The following IGSF9B variants were observed in gnomAD, a reference collection of about 807,000 sequenced individuals.
IGSF9B encodes the protein protein turtle homolog B.
IGSF9B carries 48 observed loss-of-function variants against 143.7 expected under a neutral mutation model. The observed-to-expected ratio is 0.33, with a 90% CI of 0.26 to 0.42. The LOEUF (loss-of-function observed/expected upper bound fraction) is 0.42. Ranked by LOEUF, IGSF9B falls within the 20% of genes least tolerant of loss-of-function variation. The pLI is 1.00. For missense variants in IGSF9B, 1,706 were observed against 1,980.0 expected (o/e 0.86, Z 2.63); for synonymous variants, 903 against 833.1 (o/e 1.08, Z -1.44).
rs377154332 is a variant in IGSF9B, at chr11:133,920,637, T to C, written c.3088A>G (p.Thr1030Ala). 6.2e-7 allele frequency: 1 copy of C among 1,613,470 alleles called. No homozygotes were observed. The highest frequency in any genetic ancestry group is 1.1e-5 in the South Asian group (1 of 91,080). The change falls in exon 18 of 20, where the codon ACA becomes GCA. Residue 1030 changes from threonine (T) to alanine (A), a missense_variant. By Grantham distance (58) the Thr-to-Ala change is moderately conservative. Around this residue, in one of 7 missense-constraint regions of IGSF9B, gnomAD observed 880 missense variants for 762.9 expected, o/e 1.15. Coordinates refer to ENST00000533871, the MANE Select transcript of IGSF9B (RefSeq NM_001277285.4). ...ASNSTLPLTQ[T>A]PTGGRSPEPW... ...TCAGGGGAGCGCCCTCCTGTAGGTGTCTGAGTCAAGGGCAGCGTGCTGTTG... is the reference window on the plus strand; with the variant it reads ...TCAGGGGAGCGCCCTCCTGTAGGTGCCTGAGTCAAGGGCAGCGTGCTGTTG...
chr11:133,942,186 T>G (rs1460359010), intron 3 of IGSF9B, among the ~76,000 whole-genome samples: 1 of 152,086 alleles, frequency 6.6e-6, no homozygotes, highest in East Asian at 1.9e-4. Context: ...GGCCAGCATC[T>G]CACACATAAT....
intron 7 of IGSF9B, among the ~76,000 whole-genome samples, chr11:133,934,610 GCGAGGTTAGGGGTC>G (rs1462396885): frequency 6.6e-6 from 1 of 152,202 alleles, no homozygotes; most frequent in East Asian, 1.9e-4. Flanking sequence ...GAGTGAGACT[GCGAGGTTAGGGGTC>G]CGATGGCGCT....
rs562728485 is a variant in IGSF9B, at chr11:133,907,877, G to A, written c.*1192C>T. On this transcript the variant is annotated 3_prime_UTR_variant, in exon 20 of 20. Transcript: ENST00000533871. ...AGGTCCACCGGAGGACGAAGGCCCC[G>A]GGGCAGAGAAGAGTCGGCAGGCAGC... 2.6e-5 allele frequency among the ~76,000 whole-genome samples: 4 copies of A among 152,332 alleles called. No homozygotes were observed. Among genetic ancestry groups the A allele is most frequent in the Admixed American group, 6.5e-5 (1 of 15,308 alleles).
chr11:133,938,348 C>T (rs549480603), intron 3 of IGSF9B, among the ~76,000 whole-genome samples: 18 of 152,276 alleles, frequency 1.2e-4, no homozygotes, highest in African/African-American at 3.6e-4. Flanking sequence ...CTCAGCCAGG[C>T]CCCCGCGTTT....
chr11:133,941,636 G>A (rs10894767), intron 3 of IGSF9B, among the ~76,000 whole-genome samples: 28,435 of 152,156 alleles, frequency 0.19, 3,388 homozygotes, highest in Non-Finnish European at 0.27. Context: ...CTGCCTGTGC[G>A]CAGGTAGGTG....
chr11:133,929,824 G>T (rs34490986), intron 11 of IGSF9B, 42 bp from the exon 12 acceptor site: 5 of 1,407,202 alleles, frequency 3.6e-6, no homozygotes, highest in African/African-American at 1.4e-5. Context: ...AAAGAACTCA[G>T]CCACGTGGCT....
chr11:133,944,183 A>G lies in IGSF9B; in HGVS notation c.409+37T>C, dbSNP rs1940001349. 1.9e-6 allele frequency: 3 copies of G among 1,562,226 alleles called. No individual in the cohort carries two copies. In the South Asian group the frequency reaches 3.7e-5, roughly 19 times the overall value. On this transcript the variant is annotated intron_variant, in intron 3 of 19. Transcript: ENST00000533871. ...CGGAAACAGCCCTCAGGCACCGTTGATGGTGAGGTGGACCCACCCTGGAAG... is the reference window on the plus strand; with the variant it reads ...CGGAAACAGCCCTCAGGCACCGTTGGTGGTGAGGTGGACCCACCCTGGAAG...
rs1176570560 is a variant in IGSF9B, at chr11:133,909,493, A to G, written c.4106-216T>C. On this transcript the variant is annotated intron_variant, in intron 19 of 19. Transcript: ENST00000533871. The surrounding 1 kb of genome is among the most constrained non-coding windows in gnomAD (Gnocchi z 4.2). Reference sequence around the variant, plus strand: ...ACCTGACCCTGCTCCTTTCACTTGAATAAGAGTTAAGAAAGTGGAATGGAG... The same window carrying G: ...ACCTGACCCTGCTCCTTTCACTTGAGTAAGAGTTAAGAAAGTGGAATGGAG... Among the ~76,000 whole-genome samples, 1 of 152,214 alleles carries G rather than the reference A, an allele frequency of 6.6e-6. No homozygotes were observed. The highest frequency in any genetic ancestry group is 1.5e-5 in the Non-Finnish European group (1 of 68,044).
In IGSF9B at chr11:133,927,865, C is replaced by CTCCCGGG. The variant is rs557354815; in HGVS notation, c.1632-781_1632-775dup. On this transcript the variant is annotated intron_variant, in intron 12 of 19. Coordinates refer to ENST00000533871, the MANE Select transcript of IGSF9B (RefSeq NM_001277285.4). ...CCTGGTGGGTGCCCTCCAGGATCCA[C>CTCCCGGG]TCCCGGGTCCCGGCTCACTACCGTG... Among the ~76,000 whole-genome samples, 785 of 152,280 alleles carry CTCCCGGG rather than the reference C, an allele frequency of 5.2e-3. 4 individuals carry two copies. The highest frequency in any genetic ancestry group is 7.4e-3 in the Non-Finnish European group (504 of 68,022).
intron 7 of IGSF9B, among the ~76,000 whole-genome samples, chr11:133,935,123 C>A (rs538416842): frequency 6.6e-6 from 1 of 152,136 alleles, no homozygotes; most frequent in African/African-American, 2.4e-5. Context: ...GGAGAGGCCG[C>A]GGACGCCAGA....
Position 133,897,611 on chromosome 11 carries a change from T to C in IGSF9B, c.*11458A>G, listed in dbSNP as rs1384132017. On this transcript the variant is annotated 3_prime_UTR_variant, in exon 20 of 20. Coordinates refer to ENST00000533871, the MANE Select transcript of IGSF9B (RefSeq NM_001277285.4). ...CAGGGAGCTCCTCACAGACAGGTTA[T>C]ACAGAGTGTAGAATATGTTCATATA... The C allele has an allele frequency of 6.6e-6, 1 of 152,210 alleles. No homozygotes were observed. The highest frequency in any genetic ancestry group is 1.9e-4 in the East Asian group (1 of 5,186). The allele number at this position is 152,210 out of a possible 1,614,324, so 9.4% of individuals were successfully genotyped here.
rs1210835628 is a variant in IGSF9B, at chr11:133,906,571, C to G, written c.*2498G>C. Among the ~76,000 whole-genome samples, 3 of 152,238 alleles carry G rather than the reference C, an allele frequency of 2.0e-5. No homozygotes were observed. Among genetic ancestry groups the G allele is most frequent in the Non-Finnish European group, 4.4e-5 (3 of 68,048 alleles). ...CTGCCAGAGGAAGCGGAGGAGGAGT[C>G]AGCACCTGGGTTAGCACGGGGGTGC... On this transcript the variant is annotated 3_prime_UTR_variant, in exon 20 of 20. Coordinates refer to ENST00000533871, the MANE Select transcript of IGSF9B (RefSeq NM_001277285.4).
At position 133,905,095 on chromosome 11, in the gene IGSF9B, T is replaced by A. The variant is rs1939191875; in HGVS notation, c.*3974A>T. Among the ~76,000 whole-genome samples the A allele has an allele frequency of 6.6e-6, 1 of 151,654 alleles. No individual in the cohort carries two copies. ...CCGCTCAGCTCCACCCTCTGCCCCT[T>A]CCTGCAGCTCCCCAGCCATCCCTGC... On this transcript the variant is annotated 3_prime_UTR_variant, in exon 20 of 20. Coordinates refer to ENST00000533871, the MANE Select transcript of IGSF9B (RefSeq NM_001277285.4). This position sits in a 1 kb window ranked among gnomAD's most constrained non-coding sequence, Gnocchi z 4.0.
intron 1 of IGSF9B, among the ~76,000 whole-genome samples, chr11:133,955,928 C>A (rs1206635765): frequency 6.6e-6 from 1 of 152,038 alleles, no homozygotes; most frequent in African/African-American, 2.4e-5. Flanking sequence ...CCCCAGCCAG[C>A]TCTGCCTCGC....
intron 18 of IGSF9B, chr11:133,918,934 G>A (rs1939449019): frequency 2.2e-6 from 1 of 462,850 alleles, no homozygotes; most frequent in East Asian, 7.0e-5. Flanking sequence ...GACTGGAGAA[G>A]GAAGGAGGGG....
chr11:133,914,316 C>T (rs1939344822), intron 18 of IGSF9B, among the ~76,000 whole-genome samples: 1 of 152,088 alleles, frequency 6.6e-6, no homozygotes, highest in Admixed American at 6.5e-5. Context: ...TTAGGCTCAC[C>T]TCTCCACTGC....
At position 133,919,749 on chromosome 11, in the gene IGSF9B, T is replaced by C; in HGVS notation, c.3976A>G (p.Thr1326Ala). 1 of 1,452,584 alleles carries C rather than the reference T, an allele frequency of 6.9e-7. No homozygotes were observed. Among genetic ancestry groups the C allele is most frequent in the Non-Finnish European group, 9.1e-7 (1 of 1,098,836 alleles). The allele number at this position is 1,452,584 out of a possible 1,614,324, so 90.0% of individuals were successfully genotyped here. ...RPETPPPTLP[T>A]SGTLPPAPGN... The stretch of plus-strand genomic sequence containing the variant: ...AAGAGGCGGCGCACTCACCCTGAAG[T>C]AGGTAACGTGGGTGGTGGGGTCTCC... The change falls in exon 18 of 20, where the codon ACT (threonine) becomes GCT (alanine). Residue 1326 changes from threonine to alanine, a missense_variant. Coordinates refer to ENST00000533871, the MANE Select transcript of IGSF9B (RefSeq NM_001277285.4).
At chr11:133,932,870 G>A (rs1591718379) in intron 7 of IGSF9B, among the ~76,000 whole-genome samples, 1 of 47,586 alleles carries the variant, frequency 2.1e-5, no homozygotes, top group Admixed American at 1.8e-4. Flanking sequence ...CCAGGTGGGA[G>A]AGCAGACAGA....
chr11:133,923,235 T>C (rs1008175855), intron 15 of IGSF9B, among the ~76,000 whole-genome samples: 2 of 152,208 alleles, frequency 1.3e-5, no homozygotes, highest in African/African-American at 4.8e-5. Flanking sequence ...CACCAGTGTC[T>C]CTACAAAAGG....
Sources: gnomAD v4.1 joint callset for allele counts (sites outside exome capture counted in the v4.1 genomes callset) on GRCh38, gnomAD v4.1.1 for gene constraint, gnomAD v4.1.1 regional missense constraint, Gnocchi (gnomAD v3.1) non-coding constraint, MANE v1.5 for transcripts, NCBI Gene and HGNC (gene_info 2026-07-23, HGNC 2026-07-21) for gene names.